The following CAMTA1 variants were observed in gnomAD, a reference collection of about 807,000 sequenced individuals.
CAMTA1 encodes calmodulin-binding transcription activator 1.
A neutral mutation model predicts 170.9 loss-of-function variants in CAMTA1; 27 were observed. The ratio of observed to expected loss-of-function variants is 0.16; its 90% CI spans 0.12 to 0.22. The LOEUF (loss-of-function observed/expected upper bound fraction) is 0.22, where lower values mean the gene tolerates loss of function less well. CAMTA1 is among the 10% of genes least tolerant of loss of function. CAMTA1 has a pLI of 1.00. For missense variants in CAMTA1, 1,619 were observed against 2,217.2 expected (o/e 0.73, Z 5.42); for synonymous variants, 833 against 891.5 (o/e 0.93, Z 1.17).
At chr1:7,121,717 G>A (rs1020041996) in intron 4 of CAMTA1, among the ~76,000 whole-genome samples, 6 of 152,202 alleles carry the variant, frequency 3.9e-5, no homozygotes, top group Non-Finnish European at 8.8e-5. Context: ...CCCGAGACGG[G>A]AGCTGGCACG....
At chr1:6,973,661 C>T (rs559829804) in intron 3 of CAMTA1, among the ~76,000 whole-genome samples, 2 of 152,280 alleles carry the variant, frequency 1.3e-5, no homozygotes, top group East Asian at 3.9e-4. Context: ...ATTGCTGGAT[C>T]ATATCCTAAT....
At chr1:6,832,088 T>A (rs181234021) in intron 3 of CAMTA1, among the ~76,000 whole-genome samples, 249 of 152,046 alleles carry the variant, frequency 1.6e-3, no homozygotes, top group African/African-American at 5.2e-3. Flanking sequence ...TATTTTTTTT[T>A]ATTTTTTTTT....
At chr1:7,488,509 A>G (rs1266730239) in intron 6 of CAMTA1, among the ~76,000 whole-genome samples, 1 of 152,036 alleles carries the variant, frequency 6.6e-6, no homozygotes, top group African/African-American at 2.4e-5. Flanking sequence ...ACACGCACAT[A>G]CACACACATG....
At chr1:6,954,476 G>A (rs1450832000) in intron 3 of CAMTA1, among the ~76,000 whole-genome samples, 1 of 152,194 alleles carries the variant, frequency 6.6e-6, no homozygotes, top group Admixed American at 6.5e-5. Flanking sequence ...GATCTCCTAG[G>A]CTGCCTCCAA....
chr1:6,816,347 C>G (rs889230112), intron 1 of CAMTA1, among the ~76,000 whole-genome samples: 2 of 152,150 alleles, frequency 1.3e-5, no homozygotes, highest in African/African-American at 4.8e-5. Flanking sequence ...AATGTATCTC[C>G]AAGAGGACAG....
chr1:7,135,365 G>T (rs961994882), intron 4 of CAMTA1, among the ~76,000 whole-genome samples: 1 of 152,124 alleles, frequency 6.6e-6, no homozygotes, highest in African/African-American at 2.4e-5. Flanking sequence ...TCCAGCCTGG[G>T]CAACAAGAGA....
rs371671999 is a variant in CAMTA1 at position 7,716,129 on chromosome 1, C to A, written c.2915-16319C>A. Among the ~76,000 whole-genome samples the A allele has an allele frequency of 2.8e-4, 42 of 152,284 alleles. 2 individuals are homozygous for A. Among genetic ancestry groups the A allele is most frequent in the African/African-American group, 9.9e-4 (41 of 41,560 alleles). On this transcript the variant is annotated intron_variant, in intron 11 of 22. Coordinates refer to ENST00000303635, the MANE Select transcript of CAMTA1 (RefSeq NM_015215.4). ...CTCACTGTGGCCTCCACCTTCTGGG[C>A]TCACGTGATCCCCCCATCTCAGCCT...
intron 1 of CAMTA1, among the ~76,000 whole-genome samples, chr1:6,794,893 TTTTTTG>T (rs1642093244): frequency 1.3e-5 from 2 of 150,262 alleles, no homozygotes. Flanking sequence ...TTTTTTTGTT[TTTTTTG>T]TTTTTTTGTT....
chr1:7,524,960 A>G (rs553853019), intron 6 of CAMTA1, among the ~76,000 whole-genome samples: 84 of 152,236 alleles, frequency 5.5e-4, no homozygotes, highest in African/African-American at 1.9e-3. Flanking sequence ...ACACATTCAC[A>G]TATCCACTCA....
chr1:7,703,868 G>C (rs1035090845), intron 11 of CAMTA1, among the ~76,000 whole-genome samples: 3 of 152,120 alleles, frequency 2.0e-5, no homozygotes, highest in Non-Finnish European at 4.4e-5. Context: ...TTTGTGGCCG[G>C]GGCGAGAGAC....
At chr1:6,998,869 A>G (rs1304645083) in intron 3 of CAMTA1, among the ~76,000 whole-genome samples, 1 of 152,204 alleles carries the variant, frequency 6.6e-6, no homozygotes, top group Non-Finnish European at 1.5e-5. Context: ...CATTTATGAC[A>G]TTATTTAAAT....
chr1:7,581,105 C>T (rs772238302), intron 6 of CAMTA1, among the ~76,000 whole-genome samples: 4 of 152,222 alleles, frequency 2.6e-5, no homozygotes, highest in African/African-American at 4.8e-5. Context: ...GGCCCCCGCC[C>T]CTCCTCCCAC....
At chr1:7,229,604 G>C (rs1662347643) in intron 4 of CAMTA1, among the ~76,000 whole-genome samples, 2 of 138,258 alleles carry the variant, frequency 1.4e-5, no homozygotes, top group Non-Finnish European at 3.2e-5. Context: ...GGCAGGAGGA[G>C]GGGAGGCTAG....
At chr1:7,021,393 G>C (rs553977172) in intron 3 of CAMTA1, among the ~76,000 whole-genome samples, 5 of 151,962 alleles carry the variant, frequency 3.3e-5, no homozygotes, top group African/African-American at 1.2e-4. Context: ...TCATCGCTCA[G>C]CTTCTCTCTT....
In CAMTA1 at chr1:7,686,582, G is replaced by C. The variant is rs1023795001; in HGVS notation, c.2914+8849G>C. Among the ~76,000 whole-genome samples, 11 of 152,266 alleles carry C rather than the reference G, an allele frequency of 7.2e-5. No homozygotes were observed. The South Asian group carries it at 1.0e-3, about 14-fold the overall frequency. Reference sequence around the variant, plus strand: ...CATGGGATGCATCACCAAGAGTAGGGGGCTGGGCTTTTATTCTGAGGTCAG... The same window carrying C: ...CATGGGATGCATCACCAAGAGTAGGCGGCTGGGCTTTTATTCTGAGGTCAG... On this transcript the variant is annotated intron_variant, in intron 11 of 22. Coordinates refer to ENST00000303635, the MANE Select transcript of CAMTA1 (RefSeq NM_015215.4).
chr1:7,672,128 G>T (rs553388320), intron 10 of CAMTA1: 1 of 452,116 alleles, frequency 2.2e-6, no homozygotes, highest in Non-Finnish European at 4.5e-6. Context: ...GGTGCGGAAC[G>T]GCAGGGAGAC....
intron 4 of CAMTA1, among the ~76,000 whole-genome samples, chr1:7,114,370 C>T (rs1465196403): frequency 6.6e-6 from 1 of 151,036 alleles, no homozygotes; most frequent in African/African-American, 2.4e-5. Flanking sequence ...AATCTTTTGG[C>T]TTCCCTGGGC....
rs962707333 is a variant in CAMTA1, at chr1:7,513,932, TAC to T, written c.510+46045_510+46046del. 2.2e-4 allele frequency among the ~76,000 whole-genome samples: 17 copies of T among 75,798 alleles called. No homozygotes were observed. In the East Asian group the frequency reaches 3.5e-3, roughly 15 times the overall value. 49.7% of individuals were successfully genotyped at this position (75,798 alleles called of 152,430 possible). A position where few individuals can be genotyped will look rare whatever the true frequency, so the allele number is the denominator to read the frequency against. On this transcript the variant is annotated intron_variant, in intron 6 of 22. Coordinates refer to ENST00000303635, the MANE Select transcript of CAMTA1 (RefSeq NM_015215.4). ...AGTGAAACTCCGTCTCAAAAACACA[TAC>T]ACACACACACACATACACACACACA...
intron 6 of CAMTA1, among the ~76,000 whole-genome samples, chr1:7,594,880 C>T (rs1016223001): frequency 3.3e-5 from 5 of 152,140 alleles, no homozygotes; most frequent in Non-Finnish European, 5.9e-5. Context: ...AGGTGCTTGT[C>T]GGAGATCTGG....
Sources: allele counts gnomAD v4.1 joint callset (sites outside exome capture counted in the v4.1 genomes callset), GRCh38; gene constraint gnomAD v4.1.1; transcripts MANE v1.5; gene names NCBI Gene and HGNC (gene_info 2026-07-23, HGNC 2026-07-21).